The following PRKAR2B variants were observed in gnomAD, a reference collection of about 807,000 sequenced individuals.
PRKAR2B encodes the protein cAMP-dependent protein kinase type II-beta regulatory subunit.
In PRKAR2B, 14 loss-of-function variants were observed where a neutral mutation model predicts 49.9. The ratio of observed to expected loss-of-function variants is 0.28; its 90% CI spans 0.19 to 0.44. The LOEUF (loss-of-function observed/expected upper bound fraction) is 0.44, where lower values mean the gene tolerates loss of function less well. Among genes scored for constraint, PRKAR2B ranks in the 20% least tolerant of loss-of-function variants. The pLI is 1.00. For missense variants in PRKAR2B, 393 were observed against 537.9 expected (o/e 0.73, Z 2.67); for synonymous variants, 196 against 197.7 (o/e 0.99, Z 0.07).
At chr7:107,102,705 C>T (rs1410667576) in intron 2 of PRKAR2B, among the ~76,000 whole-genome samples, 1 of 152,220 alleles carries the variant, frequency 6.6e-6, no homozygotes, top group Non-Finnish European at 1.5e-5. Context: ...GAGCCTCGCT[C>T]TGTCACCCAG....
chr7:107,119,891 G>A (rs886685545), intron 2 of PRKAR2B, among the ~76,000 whole-genome samples: 4 of 152,162 alleles, frequency 2.6e-5, no homozygotes, highest in African/African-American at 9.7e-5. Context: ...TTCCTGTTAC[G>A]TTTCTGAGAC....
chr7:107,053,520 T>C (rs892505435), intron 1 of PRKAR2B, among the ~76,000 whole-genome samples: 1 of 135,758 alleles, frequency 7.4e-6, no homozygotes, highest in Non-Finnish European at 1.6e-5. Flanking sequence ...TTCTAGATTA[T>C]AAAGAGTGTG....
intron 2 of PRKAR2B, among the ~76,000 whole-genome samples, chr7:107,103,229 T>C (rs1400160431): frequency 2.0e-5 from 3 of 152,082 alleles, no homozygotes; most frequent in Non-Finnish European, 2.9e-5. Context: ...TCTTGGGAAA[T>C]AGGAAAAAAT....
intron 1 of PRKAR2B, among the ~76,000 whole-genome samples, chr7:107,062,058 T>C (rs1343253289): frequency 6.6e-6 from 1 of 152,178 alleles, no homozygotes; most frequent in Non-Finnish European, 1.5e-5. Context: ...TTATGTTGGC[T>C]GGAACTCCTA....
chr7:107,089,416 A>G (rs977354947), intron 2 of PRKAR2B, among the ~76,000 whole-genome samples: 13 of 152,170 alleles, frequency 8.5e-5, no homozygotes, highest in African/African-American at 3.1e-4. Context: ...ACCAGGTTCT[A>G]CATTAGTAGA....
At chr7:107,151,576 A>C (rs1795988923) in intron 7 of PRKAR2B, among the ~76,000 whole-genome samples, 1 of 152,236 alleles carries the variant, frequency 6.6e-6, no homozygotes, top group African/African-American at 2.4e-5. Flanking sequence ...TTGTGAGTTG[A>C]AAATATCATA....
chr7:107,126,813 A>AT (rs1163368526), intron 3 of PRKAR2B, among the ~76,000 whole-genome samples: 1 of 152,278 alleles, frequency 6.6e-6, no homozygotes, highest in East Asian at 1.9e-4. Flanking sequence ...GCAGCAGTGA[A>AT]TGAGAAGTCC....
intron 3 of PRKAR2B, among the ~76,000 whole-genome samples, chr7:107,125,218 T>C (rs758738914): frequency 6.6e-6 from 1 of 152,202 alleles, no homozygotes; most frequent in Non-Finnish European, 1.5e-5. Context: ...CTGGCTGGCA[T>C]GAATTCTGGC....
At chr7:107,071,187 C>T (rs1048118577) in intron 2 of PRKAR2B, among the ~76,000 whole-genome samples, 1 of 152,012 alleles carries the variant, frequency 6.6e-6, no homozygotes, top group African/African-American at 2.4e-5. Context: ...TTTTGTTAAA[C>T]CCAAGATAAA....
chr7:107,056,308 T>C lies in PRKAR2B; in HGVS notation c.307+11094T>C, dbSNP rs141393789. On this transcript the variant is annotated intron_variant, in intron 1 of 10. Transcript: ENST00000265717. ...TGACTTGGCAATTTGGGCTCTTTTT[T>C]GGTTCCATATGAACTTTAAAGTAGT... Among the ~76,000 whole-genome samples the C allele has an allele frequency of 5.2e-3, 790 of 152,348 alleles. 5 individuals carry two copies. Among genetic ancestry groups the C allele is most frequent in the African/African-American group, 0.018 (752 of 41,576 alleles).
chr7:107,123,385 C>T (rs1048632592), intron 3 of PRKAR2B, among the ~76,000 whole-genome samples: 93 of 152,158 alleles, frequency 6.1e-4, no homozygotes, highest in Non-Finnish European at 5.0e-4. Flanking sequence ...ATTCATTTGA[C>T]TGTGTAAAAC....
At chr7:107,159,261 G>T (rs543660726) in intron 10 of PRKAR2B, among the ~76,000 whole-genome samples, 188 bp from the exon 11 acceptor site, 4 of 152,232 alleles carry the variant, frequency 2.6e-5, no homozygotes, top group African/African-American at 9.6e-5. Context: ...TGGTCCAAGA[G>T]CGTGGCCCTG....
intron 4 of PRKAR2B, among the ~76,000 whole-genome samples, chr7:107,132,274 G>A (rs1795616933): frequency 6.6e-6 from 1 of 152,210 alleles, no homozygotes; most frequent in Admixed American, 6.5e-5. Context: ...ATGGAGCTAA[G>A]ATGTGGATGC....
chr7:107,148,513 A>T (rs1795931785), intron 6 of PRKAR2B, among the ~76,000 whole-genome samples: 1 of 152,232 alleles, frequency 6.6e-6, no homozygotes, highest in Non-Finnish European at 1.5e-5. Context: ...TAAATTTTAT[A>T]AAAATGGGCA....
intron 2 of PRKAR2B, among the ~76,000 whole-genome samples, chr7:107,078,391 G>T (rs1485550735): frequency 1.3e-5 from 2 of 152,030 alleles, no homozygotes; most frequent in African/African-American, 4.8e-5. Flanking sequence ...GGGAAGACAG[G>T]ATGGAAGGTG....
chr7:107,138,869 G>A (rs1469800377), intron 4 of PRKAR2B, among the ~76,000 whole-genome samples: 1 of 152,020 alleles, frequency 6.6e-6, no homozygotes, highest in Non-Finnish European at 1.5e-5. Flanking sequence ...GGTAGAGACG[G>A]GGTTTTGCCA....
intron 2 of PRKAR2B, among the ~76,000 whole-genome samples, chr7:107,097,960 A>G (rs1397205257): frequency 1.3e-5 from 2 of 151,832 alleles, no homozygotes; most frequent in East Asian, 1.9e-4. Context: ...CTTCATTTCA[A>G]CTTTGGTGAA....
chr7:107,076,107 G>A (rs1794390641), intron 2 of PRKAR2B, among the ~76,000 whole-genome samples: 1 of 151,972 alleles, frequency 6.6e-6, no homozygotes. Flanking sequence ...CCCAGATGTT[G>A]ATATTTTGCC....
At chr7:107,082,874 A>G (rs1203611741) in intron 2 of PRKAR2B, among the ~76,000 whole-genome samples, 1 of 152,178 alleles carries the variant, frequency 6.6e-6, no homozygotes, top group East Asian at 1.9e-4. Flanking sequence ...TGTTGGGATT[A>G]CAGCTGTGAG....
Sources: allele counts gnomAD v4.1 joint callset (sites outside exome capture counted in the v4.1 genomes callset), GRCh38; gene constraint gnomAD v4.1.1; transcripts MANE v1.5; gene names NCBI Gene and HGNC (gene_info 2026-07-23, HGNC 2026-07-21).